TMEM135: variants seen among roughly 807,000 people sequenced by gnomAD.
The protein encoded by TMEM135 is transmembrane protein 135.
In TMEM135, 30 loss-of-function variants were observed where a neutral mutation model predicts 60.3. That is an observed-to-expected ratio of 0.50 (90% CI 0.37 to 0.68). TMEM135 has a LOEUF of 0.68. Ranked by LOEUF, TMEM135 falls within the 30% of genes least tolerant of loss-of-function variation. TMEM135 has a pLI of 0.00. For missense variants in TMEM135, 468 were observed against 548.8 expected (o/e 0.85, Z 1.47); for synonymous variants, 190 against 186.7 (o/e 1.02, Z -0.14).
intron 4 of TMEM135, among the ~76,000 whole-genome samples, chr11:87,109,807 A>G (rs1206032751): frequency 7.0e-6 from 1 of 143,720 alleles, no homozygotes; most frequent in Non-Finnish European, 1.5e-5. Flanking sequence ...CATACTTTGA[A>G]ATAATTTAAA....
chr11:87,072,960 T>C (rs549415541), intron 3 of TMEM135, among the ~76,000 whole-genome samples: 1 of 152,320 alleles, frequency 6.6e-6, no homozygotes, highest in East Asian at 1.9e-4. Flanking sequence ...ATTGTAGTCA[T>C]TGGCCCTCTG....
chr11:87,262,005 T>C (rs115256409), intron 6 of TMEM135, among the ~76,000 whole-genome samples: 2 of 152,202 alleles, frequency 1.3e-5, no homozygotes, highest in African/African-American at 4.8e-5. Flanking sequence ...TGTTCTGTAG[T>C]GTTTTTCTAT....
chr11:87,249,011 T>G (rs1941356409), intron 6 of TMEM135, among the ~76,000 whole-genome samples: 1 of 152,174 alleles, frequency 6.6e-6, no homozygotes, highest in African/African-American at 2.4e-5. Context: ...GGTAGAGTCT[T>G]TAGGTTTTTC....
chr11:87,259,256 G>A (rs1325464545), intron 6 of TMEM135: 2 of 429,476 alleles, frequency 4.7e-6, no homozygotes, highest in Admixed American at 6.9e-5. Context: ...CTGCGACAGC[G>A]GCCATGGCTG....
At chr11:87,276,461 C>A (rs1342131606) in intron 6 of TMEM135, among the ~76,000 whole-genome samples, 1 of 151,636 alleles carries the variant, frequency 6.6e-6, no homozygotes, top group African/African-American at 2.4e-5. Flanking sequence ...TAATCTTAGA[C>A]TTTTAGCCAA....
chr11:87,166,508 C>T (rs1555113027), intron 5 of TMEM135, among the ~76,000 whole-genome samples: 1 of 151,640 alleles, frequency 6.6e-6, no homozygotes, highest in Non-Finnish European at 1.5e-5. Context: ...GGTCCAGTTT[C>T]AGTTTTCTGC....
At chr11:87,194,082 G>A (rs958034308) in intron 5 of TMEM135, among the ~76,000 whole-genome samples, 5 of 152,070 alleles carry the variant, frequency 3.3e-5, no homozygotes, top group Admixed American at 1.3e-4. Context: ...ATTTAAAAGA[G>A]TTTGTTCCTG....
rs572624115 is a variant in TMEM135 at position 87,324,377 on chromosome 11, G to A, written c.*3044G>A. ...CAATGGCCCAAATGTTGTTTTTGGAGCAGAGAAATTATTAGCCCAGAGATT... is the reference window on the plus strand; with the variant it reads ...CAATGGCCCAAATGTTGTTTTTGGAACAGAGAAATTATTAGCCCAGAGATT... On this transcript the variant is annotated 3_prime_UTR_variant, in exon 15 of 15. Transcript: ENST00000305494. 8.8e-6 allele frequency: 4 copies of A among 453,876 alleles called. No individual in the cohort carries two copies. The highest frequency in any genetic ancestry group is 8.0e-5 in the African/African-American group (4 of 49,978). 28.1% of individuals were successfully genotyped at this position (453,876 alleles called of 1,614,324 possible). A position where few individuals can be genotyped will look rare whatever the true frequency, so the allele number is the denominator to read the frequency against.
At chr11:87,146,923 A>C (rs944904996) in intron 4 of TMEM135, among the ~76,000 whole-genome samples, 11 of 152,104 alleles carry the variant, frequency 7.2e-5, no homozygotes, top group Admixed American at 6.5e-4. Flanking sequence ...ATATCTGCTA[A>C]ATACAACTAT....
intron 4 of TMEM135, among the ~76,000 whole-genome samples, chr11:87,109,195 GT>G (rs1427434485): frequency 6.6e-6 from 1 of 152,054 alleles, no homozygotes; most frequent in African/African-American, 2.4e-5. Context: ...AATTTTTGGT[GT>G]TTATTGTAAA....
intron 6 of TMEM135, among the ~76,000 whole-genome samples, chr11:87,275,892 C>T (rs2135415478): frequency 6.6e-6 from 1 of 152,188 alleles, no homozygotes; most frequent in East Asian, 1.9e-4. Flanking sequence ...GAACTCCTGA[C>T]CTCAGGTGAT....
At chr11:87,097,411 A>G (rs944298134) in intron 4 of TMEM135, among the ~76,000 whole-genome samples, 5 of 152,050 alleles carry the variant, frequency 3.3e-5, no homozygotes, top group Non-Finnish European at 5.9e-5. Flanking sequence ...GCTAAACTCA[A>G]CTCTACTAGC....
At chr11:87,128,206 A>G (rs1193392923) in intron 4 of TMEM135, among the ~76,000 whole-genome samples, 3 of 152,198 alleles carry the variant, frequency 2.0e-5, no homozygotes, top group African/African-American at 7.2e-5. Flanking sequence ...CAGCCCTTCT[A>G]TACCTTGATG....
intron 4 of TMEM135, among the ~76,000 whole-genome samples, chr11:87,144,926 T>C (rs1938370247): frequency 6.6e-6 from 1 of 152,210 alleles, no homozygotes; most frequent in South Asian, 2.1e-4. Context: ...GTAACATATC[T>C]ATTACCTCAA....
At position 87,321,299 on chromosome 11, in the gene TMEM135, C is replaced by T; in HGVS notation, c.1343C>T (p.Thr448Ile). 5 of 1,613,754 alleles carry T rather than the reference C, an allele frequency of 3.1e-6. No individual in the cohort carries two copies. The highest frequency in any genetic ancestry group is 4.2e-6 in the Non-Finnish European group (5 of 1,179,720). Reference sequence around the variant, plus strand: ...CCCAGGTTGGATCCAAGATACACAACTGTAACACCAGAGTTGCCCACAGAG... The same window carrying T: ...CCCAGGTTGGATCCAAGATACACAATTGTAACACCAGAGTTGCCCACAGAG... ...FIPRLDPRYT[T>I]VTPELPTEFS The change falls in exon 15 of 15, where the codon ACT becomes ATT. Residue 448 changes from threonine to isoleucine, a missense_variant. Coordinates refer to ENST00000305494, the MANE Select transcript of TMEM135 (RefSeq NM_022918.4).
chr11:87,219,335 T>A (rs765293097), intron 5 of TMEM135, among the ~76,000 whole-genome samples: 2 of 152,188 alleles, frequency 1.3e-5, no homozygotes, highest in Admixed American at 6.5e-5. Context: ...TTCTGGAGGC[T>A]ACAAGTCTAA....
chr11:87,263,968 A>C (rs1461049135), intron 6 of TMEM135, among the ~76,000 whole-genome samples: 1 of 152,060 alleles, frequency 6.6e-6, no homozygotes, highest in Non-Finnish European at 1.5e-5. Flanking sequence ...AGGAAATATG[A>C]AATTAAATGA....
intron 5 of TMEM135, among the ~76,000 whole-genome samples, chr11:87,162,202 T>G (rs949475805): frequency 6.6e-5 from 10 of 152,110 alleles, no homozygotes; most frequent in Non-Finnish European, 1.5e-5. Context: ...TCTTTTATTT[T>G]TTTTTGGAGA....
chr11:87,205,174 G>T (rs914109348), intron 5 of TMEM135, among the ~76,000 whole-genome samples: 1 of 152,176 alleles, frequency 6.6e-6, no homozygotes, highest in Non-Finnish European at 1.5e-5. Context: ...AACGAGAAGT[G>T]ACATAGATGG....
Sources: gnomAD v4.1 joint callset for allele counts (sites outside exome capture counted in the v4.1 genomes callset) on GRCh38, gnomAD v4.1.1 for gene constraint, MANE v1.5 for transcripts, NCBI Gene and HGNC (gene_info 2026-07-23, HGNC 2026-07-21) for gene names.